Variants in MIER1 observed in about 807,000 individuals in gnomAD.
MIER1 encodes the protein mesoderm induction early response protein 1.
In MIER1, 40 loss-of-function variants were observed where a neutral mutation model predicts 75.7. The ratio of observed to expected loss-of-function variants is 0.53; its 90% confidence interval spans 0.41 to 0.69. The LOEUF is 0.69. Ranked by LOEUF, MIER1 falls within the 30% of genes least tolerant of loss-of-function variation. The pLI is 0.00. For missense variants in MIER1, 574 were observed against 680.2 expected (o/e 0.84, Z 1.74); for synonymous variants, 213 against 223.4 (o/e 0.95, Z 0.42).
intron 2 of MIER1, among the ~76,000 whole-genome samples, chr1:66,935,674 C>G (rs962942623): frequency 1.3e-5 from 2 of 152,172 alleles, no homozygotes; most frequent in Non-Finnish European, 2.9e-5. Flanking sequence ...CCTCTTCTCC[C>G]TGACCCCATT....
chr1:66,945,868 T>A (rs912257300), intron 3 of MIER1, among the ~76,000 whole-genome samples: 1 of 152,120 alleles, frequency 6.6e-6, no homozygotes. Context: ...AAAAAAGAAT[T>A]GAGACTTTTT....
intron 4 of MIER1, among the ~76,000 whole-genome samples, chr1:66,955,661 G>A (rs1292347301): frequency 6.6e-6 from 1 of 152,096 alleles, no homozygotes; most frequent in Non-Finnish European, 1.5e-5. Context: ...TGGTTAACAG[G>A]ATAGTTTTGA....
At chr1:66,925,413 C>T (rs545625123) in intron 1 of MIER1, 27 of 985,472 alleles carry the variant, frequency 2.7e-5, no homozygotes, top group Middle Eastern at 5.2e-4. Context: ...CGCTTCGGTC[C>T]CTGATCCCAG....
intron 3 of MIER1, among the ~76,000 whole-genome samples, chr1:66,943,725 C>A (rs1656797000): frequency 6.6e-6 from 1 of 152,012 alleles, no homozygotes; most frequent in South Asian, 2.1e-4. Context: ...TGGCCTAATA[C>A]CAATATTTTC....
rs1259157900 is a variant in MIER1, at chr1:66,984,598, A to G, written c.1396A>G (p.Ile466Val). Residue 466 changes from isoleucine to valine, a missense_variant, in exon 14 of 14, where the codon ATA becomes GTA. By Grantham distance (29) the Ile-to-Val change is conservative. Around this residue, in one of 3 missense-constraint regions of MIER1, gnomAD observed 164 missense variants for 154.3 expected, o/e 1.06. Transcript: ENST00000401041. ...AGTGTCATCTAATGGACCAGGTGAAATATTAAACAAAGAGGAAGTAAAAGT... is the reference window on the plus strand; with the variant it reads ...AGTGTCATCTAATGGACCAGGTGAAGTATTAAACAAAGAGGAAGTAAAAGT... ...NGVSSNGPGE[I>V]LNKEEVKVEG... The G allele has an allele frequency of 6.8e-6, 11 of 1,606,466 alleles. No homozygotes were observed. Among genetic ancestry groups the G allele is most frequent in the South Asian group, 2.3e-5 (2 of 88,790 alleles).
Position 66,986,562 on chromosome 1 carries a change from C to G in MIER1, c.*1662C>G, listed in dbSNP as rs2102166975. On this transcript the variant is annotated 3_prime_UTR_variant, in exon 14 of 14. Coordinates refer to ENST00000401041, the MANE Select transcript of MIER1 (RefSeq NM_001077700.3). Reference sequence around the variant, plus strand: ...GAGAAATTAGCATTCAGGCCTTACCCCCATGAAGTATTACTGTTAACATAT... The same window carrying G: ...GAGAAATTAGCATTCAGGCCTTACCGCCATGAAGTATTACTGTTAACATAT... 2 of 993,508 alleles carry G rather than the reference C, an allele frequency of 2.0e-6. No homozygotes were observed. Among genetic ancestry groups the G allele is most frequent in the Admixed American group, 1.8e-5 (1 of 54,742 alleles). The allele number at this position is 993,508 out of a possible 1,614,324, so 61.5% of individuals were successfully genotyped here. A position where few individuals can be genotyped will look rare whatever the true frequency, so the allele number is the denominator to read the frequency against.
At position 66,958,118 on chromosome 1, in the gene MIER1, A is replaced by G; in HGVS notation, c.399A>G (p.Arg133=). 1 of 1,611,832 alleles carries G rather than the reference A, an allele frequency of 6.2e-7. No homozygotes were observed. The highest frequency in any genetic ancestry group is 2.2e-5 in the East Asian group (1 of 44,796). Residue 133 remains arginine, a synonymous_variant, in exon 5 of 14, where the codon CGA becomes CGG. Transcript: ENST00000401041. ...TTTATGGTTATGGTAGTACTGTTCG[A>G]CTACCTGAAGAAGATGAGGAAGAGG... The part of the protein sequence containing the change: ...LSLYGYGSTV[R]LPEEDEEEEE...
At position 66,931,226 on chromosome 1, in the gene MIER1, C is replaced by T. The variant is rs140067327; in HGVS notation, c.168+4984C>T. 4.1e-4 allele frequency among the ~76,000 whole-genome samples: 62 copies of T among 152,314 alleles called. No homozygotes were observed. In the East Asian group the frequency reaches 0.012, roughly 29 times the overall value. ...ACATATTTGGGCCGCAGTTGGCGGG[C>T]ATACAACTGCTGTTGATTTATTAAT... On this transcript the variant is annotated intron_variant, in intron 2 of 13. Coordinates refer to ENST00000401041, the MANE Select transcript of MIER1 (RefSeq NM_001077700.3).
intron 13 of MIER1, among the ~76,000 whole-genome samples, chr1:66,982,456 C>A (rs1340288413): frequency 2.0e-5 from 3 of 152,102 alleles, no homozygotes; most frequent in East Asian, 3.8e-4. Flanking sequence ...AAAAGGCATA[C>A]CAATTGTTTG....
Position 66,976,587 on chromosome 1 carries a change from T to C in MIER1, c.1102-8T>C. 1 of 1,555,724 alleles carries C rather than the reference T, an allele frequency of 6.4e-7. No individual in the cohort carries two copies. The highest frequency in any genetic ancestry group is 2.3e-5 in the East Asian group (1 of 43,586). On this transcript the variant is annotated splice_polypyrimidine_tract_variant and splice_region_variant and intron_variant, in intron 11 of 13. Transcript: ENST00000401041. The stretch of plus-strand genomic sequence containing the variant: ...AGATTCTTAAAAGCAAGCATTTGTT[T>C]CTTACAGGTCCGAACAAGGTCAGTT...
At chr1:66,957,376 T>C (rs1177746628) in intron 4 of MIER1, among the ~76,000 whole-genome samples, 1 of 152,342 alleles carries the variant, frequency 6.6e-6, no homozygotes, top group East Asian at 1.9e-4. Context: ...CTGGCTCTAC[T>C]ACTTGTAACT....
chr1:66,963,737 G>A (rs985607665), intron 8 of MIER1, among the ~76,000 whole-genome samples: 1 of 151,916 alleles, frequency 6.6e-6, no homozygotes, highest in Non-Finnish European at 1.5e-5. Flanking sequence ...GTGAAACCCC[G>A]TCTCTACTAA....
chr1:66,954,883 A>C (rs969070523), intron 4 of MIER1, among the ~76,000 whole-genome samples: 2 of 151,732 alleles, frequency 1.3e-5, no homozygotes, highest in Non-Finnish European at 2.9e-5. Flanking sequence ...ATTGTTTTGT[A>C]ATTTTAGTGG....
At chr1:66,948,922 A>C (rs545548058) in intron 4 of MIER1, among the ~76,000 whole-genome samples, 2 of 152,178 alleles carry the variant, frequency 1.3e-5, no homozygotes, top group African/African-American at 4.8e-5. Context: ...TTTATTTTTC[A>C]GAGACTGTGT....
intron 4 of MIER1, chr1:66,946,887 GTTTTC>G: frequency 1.0e-6 from 1 of 985,030 alleles, no homozygotes. Flanking sequence ...CCACTGTCTG[GTTTTC>G]TTTATCTTTT....
At chr1:66,972,240 A>ATATATATATATATATACAC (rs1663808199) in intron 10 of MIER1, among the ~76,000 whole-genome samples, 1 of 68,984 alleles carries the variant, frequency 1.4e-5, no homozygotes, top group African/African-American at 1.1e-4. Flanking sequence ...CACTACATAT[A>ATATATATATATATATACAC]TATATATATA....
chr1:66,947,364 AC>A (rs1293351739), intron 4 of MIER1: 2 of 152,194 alleles, frequency 1.3e-5, no homozygotes, highest in Non-Finnish European at 2.9e-5. Flanking sequence ...AATGTCCAAA[AC>A]AGAACTATTG....
At chr1:66,935,947 A>C (rs115331484) in intron 2 of MIER1, among the ~76,000 whole-genome samples, 6,930 of 152,132 alleles carry the variant, frequency 0.046, 188 homozygotes, top group Middle Eastern at 0.085. Context: ...TGGACTTTAA[A>C]TGTTTTTCTA....
At chr1:66,970,596 A>AG (rs1351227491) in intron 8 of MIER1, among the ~76,000 whole-genome samples, 1 of 152,144 alleles carries the variant, frequency 6.6e-6, no homozygotes, top group East Asian at 1.9e-4. Context: ...CTGGATCTGC[A>AG]GGGGGCATAA....
Sources: gnomAD v4.1 joint callset for allele counts (sites outside exome capture counted in the v4.1 genomes callset) on GRCh38, gnomAD v4.1.1 for gene constraint, gnomAD v4.1.1 regional missense constraint, MANE v1.5 for transcripts, NCBI Gene and HGNC (gene_info 2026-07-23, HGNC 2026-07-21) for gene names.